EXD2: variants seen among roughly 807,000 people sequenced by gnomAD.
EXD2 encodes the protein exonuclease 3'-5' domain containing 2.
Under a neutral mutation model 62.5 loss-of-function variants are expected in EXD2, and 40 were observed. The ratio of observed to expected loss-of-function variants is 0.64; its 90% CI spans 0.50 to 0.83. The LOEUF (loss-of-function observed/expected upper bound fraction) is 0.83. EXD2 is among the 40% of genes least tolerant of loss of function. The pLI is 0.00. For synonymous variants in EXD2, 239 were observed against 291.9 expected (o/e 0.82, Z 1.85); for missense variants, 671 against 761.8 (o/e 0.88, Z 1.40).
chr14:69,235,613 G>T, intron 6 of EXD2: 1 of 264,892 alleles, frequency 3.8e-6, no homozygotes, highest in African/African-American at 2.3e-5. Flanking sequence ...GAATTAATTG[G>T]ATGATTAAAT....
At chr14:69,209,902 GA>G in intron 3 of EXD2, 99 bp downstream of exon 3, 1 of 995,296 alleles carries the variant, frequency 1.0e-6, no homozygotes, top group Non-Finnish European at 1.4e-6. Flanking sequence ...GGTTAAAGGA[GA>G]ATGAATTAGC....
At chr14:69,240,134 T>C (rs984077164) in intron 9 of EXD2, among the ~76,000 whole-genome samples, 2 of 151,968 alleles carry the variant, frequency 1.3e-5, no homozygotes, top group African/African-American at 4.8e-5. Flanking sequence ...GGAGGGAGGA[T>C]TGAACATGGG....
At position 69,236,077 on chromosome 14, in the gene EXD2, C is replaced by A; in HGVS notation, c.1081C>A (p.His361Asn). 1 of 1,614,136 alleles carries A rather than the reference C, an allele frequency of 6.2e-7. No individual in the cohort carries two copies. The highest frequency in any genetic ancestry group is 1.6e-4 in the Middle Eastern group (1 of 6,062). The change falls in exon 7 of 10, where the codon CAT becomes AAT. Residue 361 changes from histidine to asparagine, a missense_variant. Physicochemically the swap from His to Asn is moderately conservative, Grantham distance 68. Coordinates refer to ENST00000685843, the MANE Select transcript of EXD2 (RefSeq NM_001193360.2). ...KSPLYDNCFL[H>N]APDGQPLCTC... ...ACCTCTTTATGATAACTGCTTTCTC[C>A]ATGCTCCTGATGGACAGCCCCTCTG...
chr14:69,213,351 G>A (rs1339383888), intron 3 of EXD2, among the ~76,000 whole-genome samples: 1 of 145,896 alleles, frequency 6.9e-6, no homozygotes, highest in African/African-American at 2.5e-5. Flanking sequence ...TTACAGGTGT[G>A]TGTGAGCTAC....
intron 1 of EXD2, among the ~76,000 whole-genome samples, chr14:69,194,051 T>C (rs2042117421): frequency 1.3e-5 from 2 of 152,102 alleles, no homozygotes; most frequent in African/African-American, 4.8e-5. Flanking sequence ...GTTCTTCTTG[T>C]GGGAATAGTT....
At chr14:69,217,900 T>C (rs1224177425) in intron 3 of EXD2, among the ~76,000 whole-genome samples, 2 of 152,368 alleles carry the variant, frequency 1.3e-5, no homozygotes, top group East Asian at 3.9e-4. Context: ...TAGTATTCCA[T>C]GGTGTATATG....
At chr14:69,233,490 G>A (rs1048756274) in intron 5 of EXD2, among the ~76,000 whole-genome samples, 2 of 151,866 alleles carry the variant, frequency 1.3e-5, no homozygotes, top group Non-Finnish European at 2.9e-5. Flanking sequence ...GCAGTGGTGC[G>A]ATCTCAGCTC....
At position 69,237,763 on chromosome 14, in the gene EXD2, T is replaced by G. The variant is rs2043846788; in HGVS notation, c.1481T>G (p.Leu494Arg). Residue 494 changes from leucine to arginine, a missense_variant, in exon 9 of 10, where the codon CTG (leucine) becomes CGG (arginine). Physicochemically the swap from Leu to Arg is moderately radical, Grantham distance 102. Transcript: ENST00000685843. ...GGCTCTGAGGAGGGCTTGCGCCTGCTGGAAGATCCTGAGCGCCGGCAGGTG... is the reference window on the plus strand; with the variant it reads ...GGCTCTGAGGAGGGCTTGCGCCTGCGGGAAGATCCTGAGCGCCGGCAGGTG... ...PIGSEEGLRL[L>R]EDPERRQVRS... is the part of the protein sequence containing the mutation. 1 of 1,613,818 alleles carries G rather than the reference T, an allele frequency of 6.2e-7. No homozygotes were observed.
chr14:69,238,107 G>C (rs1244661606), intron 9 of EXD2, among the ~76,000 whole-genome samples, 176 bp downstream of exon 9: 2 of 152,238 alleles, frequency 1.3e-5, no homozygotes, highest in African/African-American at 2.4e-5. Context: ...CAATCTACTT[G>C]AGGAGTTCCT....
rs576862575 is a variant in EXD2, at chr14:69,209,979, C to T, written c.333+176C>T. The T allele has an allele frequency of 4.7e-4, 236 of 505,050 alleles. 3 individuals are homozygous for T. In the Middle Eastern group the frequency reaches 5.1e-3, roughly 11 times the overall value. 31.3% of individuals were successfully genotyped at this position (505,050 alleles called of 1,614,324 possible). The stretch of plus-strand genomic sequence containing the variant: ...GAAGCTGCTGTTCCTCTCAGGATGG[C>T]GGAGTGCTTACAATTATGGATTACA... On this transcript the variant is annotated intron_variant, in intron 3 of 9. Coordinates refer to ENST00000685843, the MANE Select transcript of EXD2 (RefSeq NM_001193360.2).
At chr14:69,239,015 G>C (rs986082586) in intron 9 of EXD2, among the ~76,000 whole-genome samples, 1 of 152,148 alleles carries the variant, frequency 6.6e-6, no homozygotes. Flanking sequence ...TTGTGTCTCC[G>C]ACTTTATACA....
At chr14:69,199,506 T>C (rs532855382) in intron 1 of EXD2, among the ~76,000 whole-genome samples, 2 of 152,224 alleles carry the variant, frequency 1.3e-5, no homozygotes, top group Non-Finnish European at 2.9e-5. Context: ...TGTTTTAACT[T>C]TTTGACTTGT....
chr14:69,198,484 T>A (rs947659372), intron 1 of EXD2, among the ~76,000 whole-genome samples: 2 of 152,220 alleles, frequency 1.3e-5, no homozygotes, highest in African/African-American at 4.8e-5. Flanking sequence ...ACTCTCCTTA[T>A]AAGTCTGTTA....
chr14:69,192,163 ATTAT>A (rs1300302132), intron 1 of EXD2: 2 of 152,160 alleles, frequency 1.3e-5, no homozygotes, highest in African/African-American at 4.8e-5. Flanking sequence ...AACCTTAATC[ATTAT>A]TTATTACAAA....
In EXD2 at chr14:69,203,979, A is replaced by G. The variant is rs1362018079; in HGVS notation, c.-69A>G. The G allele has an allele frequency of 1.3e-5, 2 of 152,178 alleles. No individual in the cohort carries two copies. The highest frequency in any genetic ancestry group is 2.9e-5 in the Non-Finnish European group (2 of 68,032). 9.4% of individuals were successfully genotyped at this position (152,178 alleles called of 1,614,324 possible). A position where few individuals can be genotyped will look rare whatever the true frequency, so the allele number is the denominator to read the frequency against. ...ACTGAGGCTTAGAGAAGTTTGGCAA[A>G]TTGGCTAAGTTCCTACAGCTAGTGA... is the stretch of plus-strand genomic sequence containing the variant. On this transcript the variant is annotated 5_prime_UTR_variant, in exon 2 of 10. Transcript: ENST00000685843.
intron 9 of EXD2, among the ~76,000 whole-genome samples, chr14:69,240,144 G>A (rs1480311721): frequency 6.6e-6 from 1 of 152,176 alleles, no homozygotes; most frequent in African/African-American, 2.4e-5. Context: ...TTGAACATGG[G>A]GTATGGATGT....
chr14:69,233,564 CGAGTAGAT>C (rs1465424963), intron 5 of EXD2, among the ~76,000 whole-genome samples: 1 of 151,484 alleles, frequency 6.6e-6, no homozygotes, highest in Non-Finnish European at 1.5e-5. Flanking sequence ...CTCAGCCTTC[CGAGTAGAT>C]GGGATTACAG....
chr14:69,202,124 C>CGAAGCACCACAGGA (rs1293231528), intron 1 of EXD2, among the ~76,000 whole-genome samples: 1 of 152,144 alleles, frequency 6.6e-6, no homozygotes, highest in Non-Finnish European at 1.5e-5. Flanking sequence ...AACCCCGTTT[C>CGAAGCACCACAGGA]TACCAAAAAT....
intron 1 of EXD2, chr14:69,191,958 G>T (rs2042041961): frequency 6.6e-6 from 1 of 152,124 alleles, no homozygotes. Flanking sequence ...TAAAAAGGAG[G>T]CCCCGCCCGC....
Sources: gnomAD v4.1 joint callset for allele counts (sites outside exome capture counted in the v4.1 genomes callset) on GRCh38, gnomAD v4.1.1 for gene constraint, MANE v1.5 for transcripts, NCBI Gene and HGNC (gene_info 2026-07-23, HGNC 2026-07-21) for gene names.